Variants in LIMCH1 observed in about 807,000 individuals in gnomAD.
LIMCH1 encodes LIM and calponin homology domains 1, also known as LIM and calponin homology domains-containing protein 1.
A neutral mutation model predicts 176.5 loss-of-function variants in LIMCH1; 113 were observed. The ratio of observed to expected loss-of-function variants is 0.64; its 90% CI spans 0.55 to 0.75. The LOEUF (loss-of-function observed/expected upper bound fraction) is 0.75. Ranked by LOEUF, LIMCH1 falls within the 30% of genes least tolerant of loss-of-function variation. The probability of loss-of-function intolerance (pLI) is 0.00; values close to 1 mark genes in which losing one functional copy is unlikely to be tolerated. For synonymous variants in LIMCH1, 619 were observed against 645.9 expected, an observed-to-expected ratio of 0.96 and a Z score of 0.63; for missense variants, 1,674 against 1,814.9, an observed-to-expected ratio of 0.92 and a Z score of 1.41.
rs1405825071 is a variant in LIMCH1, at chr4:41,620,652, T to C, written c.687T>C (p.Ala229=). ...EIQKRKRLEQ[A]GIKVMPAAQR... The stretch of plus-strand genomic sequence containing the variant: ...AAAAGCGCAAAAGGCTAGAGCAAGC[T>C]GGAATCAAGGTCATGCCAGCAGCAC... Residue 229 remains alanine (A), a synonymous_variant, in exon 7 of 32, where the codon GCT becomes GCC. Coordinates refer to ENST00000503057, the MANE Select transcript of LIMCH1 (RefSeq NM_001330672.2). 2 of 1,536,014 alleles carry C rather than the reference T, an allele frequency of 1.3e-6. No individual in the cohort carries two copies. The highest frequency in any genetic ancestry group is 2.4e-5 in the East Asian group (1 of 40,930).
chr4:41,386,004 AG>A (rs1339014217), intron 1 of LIMCH1: 1 of 152,234 alleles, frequency 6.6e-6, no homozygotes, highest in African/African-American at 2.4e-5. Context: ...GAGTGCTACT[AG>A]GGTGAGTTTG....
intron 1 of LIMCH1, among the ~76,000 whole-genome samples, chr4:41,431,999 G>A (rs895591146): frequency 6.6e-6 from 1 of 152,058 alleles, no homozygotes; most frequent in Non-Finnish European, 1.5e-5. Flanking sequence ...ACTCTGTAAG[G>A]CAGCTATGAC....
chr4:41,623,226 A>C (rs2092706547), intron 7 of LIMCH1, among the ~76,000 whole-genome samples: 1 of 152,210 alleles, frequency 6.6e-6, no homozygotes. Flanking sequence ...AAATACGCTG[A>C]TATCTCTCGA....
intron 14 of LIMCH1, among the ~76,000 whole-genome samples, 170 bp from the exon 15 acceptor site, chr4:41,644,330 A>G (rs970616404): frequency 6.6e-6 from 1 of 151,726 alleles, no homozygotes; most frequent in South Asian, 2.1e-4. Context: ...CAGCACGCCC[A>G]CCGCCCGCCC....
intron 1 of LIMCH1, among the ~76,000 whole-genome samples, chr4:41,456,705 C>G (rs1208604681): frequency 3.3e-5 from 5 of 152,162 alleles, no homozygotes; most frequent in Non-Finnish European, 7.4e-5. Context: ...GCATTTGTTT[C>G]ACTCACAGAC....
intron 23 of LIMCH1, 109 bp downstream of exon 23, chr4:41,676,571 G>A (rs886758633): frequency 2.5e-5 from 20 of 801,446 alleles, no homozygotes; most frequent in Admixed American, 4.2e-5. Flanking sequence ...AGTTATTCTC[G>A]GAAGTTAGTG....
intron 2 of LIMCH1, among the ~76,000 whole-genome samples, chr4:41,505,869 C>T (rs2074084301): frequency 6.6e-6 from 1 of 151,854 alleles, no homozygotes; most frequent in African/African-American, 2.4e-5. Context: ...TCATCAATGA[C>T]TGCCTTTAAC....
chr4:41,372,081 C>A (rs1042730192), intron 1 of LIMCH1, among the ~76,000 whole-genome samples: 1 of 152,104 alleles, frequency 6.6e-6, no homozygotes, highest in Non-Finnish European at 1.5e-5. Flanking sequence ...CTCTAGACTC[C>A]ATTTGGCTTT....
At chr4:41,393,863 C>T (rs962511370) in intron 1 of LIMCH1, among the ~76,000 whole-genome samples, 1 of 151,954 alleles carries the variant, frequency 6.6e-6, no homozygotes, top group Non-Finnish European at 1.5e-5. Flanking sequence ...TATCTTTATC[C>T]TCTGGCTTAG....
intron 1 of LIMCH1, among the ~76,000 whole-genome samples, chr4:41,556,145 A>G (rs889257775): frequency 2.6e-5 from 4 of 152,104 alleles, no homozygotes; most frequent in African/African-American, 9.7e-5. Context: ...GCCAAATCCC[A>G]GCACTTTGGG....
intron 1 of LIMCH1, among the ~76,000 whole-genome samples, chr4:41,441,021 C>T (rs1489521247): frequency 6.6e-6 from 1 of 152,088 alleles, no homozygotes; most frequent in African/African-American, 2.4e-5. Flanking sequence ...GATTTTACTT[C>T]TGTTTCATGG....
chr4:41,631,094 C>A, intron 9 of LIMCH1, 54 bp from the exon 10 acceptor site: 6 of 1,318,106 alleles, frequency 4.6e-6, no homozygotes, highest in Middle Eastern at 1.9e-4. Flanking sequence ...TTTTAAAAAC[C>A]TCTTATTGAT....
chr4:41,371,530 A>G (rs1484988191), intron 1 of LIMCH1, among the ~76,000 whole-genome samples: 1 of 152,130 alleles, frequency 6.6e-6, no homozygotes, highest in Non-Finnish European at 1.5e-5. Context: ...GACTGGAATG[A>G]TTATAAACAA....
intron 27 of LIMCH1, 90 bp downstream of exon 27, chr4:41,684,608 A>G: frequency 6.9e-7 from 1 of 1,457,110 alleles, no homozygotes; most frequent in Non-Finnish European, 9.3e-7. Context: ...TGCTGGCTGC[A>G]GGCTTCTCTC....
Position 41,382,732 on chromosome 4 carries a change from C to T in LIMCH1, c.96+21796C>T, listed in dbSNP as rs761374254. Among the ~76,000 whole-genome samples the T allele has an allele frequency of 2.2e-4, 34 of 152,210 alleles. 1 individual carries two copies. The highest frequency in any genetic ancestry group is 6.3e-4 in the African/African-American group (26 of 41,456). On this transcript the variant is annotated intron_variant, in intron 1 of 26. Transcript: ENST00000313860. ...ACTCAACCATCAATACTCAGCTCAA[C>T]ACTCAGGGAAGTCTTTTTGGTAGTC...
intron 7 of LIMCH1, among the ~76,000 whole-genome samples, chr4:41,622,242 C>T (rs1163855890): frequency 6.6e-6 from 1 of 151,958 alleles, no homozygotes; most frequent in East Asian, 1.9e-4. Flanking sequence ...CACCATGTAC[C>T]AGAGACTGGA....
intron 1 of LIMCH1, among the ~76,000 whole-genome samples, chr4:41,577,113 G>A (rs1306699647): frequency 6.6e-6 from 1 of 152,096 alleles, no homozygotes; most frequent in Non-Finnish European, 1.5e-5. Context: ...ATACTTAGGG[G>A]TCCTGGAACC....
intron 3 of LIMCH1, among the ~76,000 whole-genome samples, chr4:41,531,595 A>G (rs1056568869): frequency 1.3e-5 from 2 of 151,718 alleles, no homozygotes; most frequent in African/African-American, 4.8e-5. Flanking sequence ...ACACTGTGCT[A>G]GTTCTTGCCT....
chr4:41,425,543 C>T (rs1220039816), intron 1 of LIMCH1, among the ~76,000 whole-genome samples: 6 of 152,120 alleles, frequency 3.9e-5, no homozygotes, highest in South Asian at 2.1e-4. Flanking sequence ...GACAGGGTTT[C>T]GCCATGTTGG....
Sources: allele counts gnomAD v4.1 joint callset (sites outside exome capture counted in the v4.1 genomes callset), GRCh38; gene constraint gnomAD v4.1.1; transcripts MANE v1.5; gene names NCBI Gene and HGNC (gene_info 2026-07-23, HGNC 2026-07-21).